Variants in MBD5 observed in about 807,000 individuals in gnomAD.
MBD5 encodes methyl-CpG binding domain protein 5.
In MBD5, 13 loss-of-function variants were observed where a neutral mutation model predicts 117.3. The ratio of observed to expected loss-of-function variants is 0.11; its 90% confidence interval spans 0.07 to 0.18. MBD5 has a LOEUF of 0.18. MBD5 is among the 10% of genes least tolerant of loss of function. MBD5 has a pLI of 1.00. For missense variants in MBD5, 1,879 were observed against 2,093.8 expected, an observed-to-expected ratio of 0.90 and a Z score of 2.00; for synonymous variants, 727 against 766.4, an observed-to-expected ratio of 0.95 and a Z score of 0.85.
intron 8 of MBD5, among the ~76,000 whole-genome samples, chr2:148,479,909 T>C (rs1418380662): frequency 6.6e-6 from 1 of 152,010 alleles, no homozygotes; most frequent in Non-Finnish European, 1.5e-5. Flanking sequence ...ACTAGCAATA[T>C]AAGAAATGAG....
In MBD5 at chr2:148,021,112, A is replaced by T. The variant is rs1407558782; in HGVS notation, c.-1497A>T. 2.1e-5 allele frequency: 3 copies of T among 140,908 alleles called. No individual in the cohort carries two copies. The highest frequency in any genetic ancestry group is 4.6e-5 in the Non-Finnish European group (3 of 64,784). 8.7% of individuals were successfully genotyped at this position (140,908 alleles called of 1,614,324 possible). A position where few individuals can be genotyped will look rare whatever the true frequency, so the allele number is the denominator to read the frequency against. ...CCCCAAGCAGAGAGACCCCAGCAGC[A>T]GCAGCAGCTGATGATGAAGAGAGAG... is the stretch of plus-strand genomic sequence containing the variant. On this transcript the variant is annotated 5_prime_UTR_variant, in exon 1 of 14. Transcript: ENST00000642680.
At chr2:148,285,579 C>G (rs572639510) in intron 3 of MBD5, among the ~76,000 whole-genome samples, 36 of 152,266 alleles carry the variant, frequency 2.4e-4, no homozygotes, top group African/African-American at 8.4e-4. Context: ...AGCCAACAGG[C>G]TTGTATTGCT....
chr2:148,181,052 G>T (rs1478047705), intron 2 of MBD5, among the ~76,000 whole-genome samples: 1 of 152,038 alleles, frequency 6.6e-6, no homozygotes, highest in Non-Finnish European at 1.5e-5. Flanking sequence ...AGCATCTTAT[G>T]GTACAATTTG....
intron 1 of MBD5, among the ~76,000 whole-genome samples, chr2:148,067,947 T>G (rs1337629712): frequency 2.6e-5 from 4 of 152,244 alleles, no homozygotes; most frequent in Non-Finnish European, 5.9e-5. Flanking sequence ...ACATTGCTTA[T>G]GGTAGAAATA....
In MBD5 at chr2:148,175,378, A is replaced by C. The variant is rs183996126; in HGVS notation, c.-924-3322A>C. Reference sequence around the variant, plus strand: ...TTAATGGATCTTGATGTGATTAGGCACATAGAATATTACATTTAGAAGCAA... The same window carrying C: ...TTAATGGATCTTGATGTGATTAGGCCCATAGAATATTACATTTAGAAGCAA... On this transcript the variant is annotated intron_variant, in intron 1 of 13. Transcript: ENST00000642680. 5.2e-3 allele frequency among the ~76,000 whole-genome samples: 797 copies of C among 152,292 alleles called. 14 individuals are homozygous for C. The highest frequency in any genetic ancestry group is 0.018 in the African/African-American group (764 of 41,564).
At chr2:148,099,865 G>T (rs1338492995) in intron 1 of MBD5, among the ~76,000 whole-genome samples, 2 of 152,126 alleles carry the variant, frequency 1.3e-5, no homozygotes, top group Non-Finnish European at 2.9e-5. Flanking sequence ...GGTATAGGTG[G>T]AAATGATCAT....
intron 5 of MBD5, among the ~76,000 whole-genome samples, chr2:148,461,993 G>A (rs1309415366): frequency 2.6e-5 from 4 of 152,074 alleles, no homozygotes; most frequent in African/African-American, 9.7e-5. Context: ...TGACTCTTCA[G>A]TGTATCTTCG....
At chr2:148,174,210 G>A (rs1029076770) in intron 1 of MBD5, among the ~76,000 whole-genome samples, 1 of 152,172 alleles carries the variant, frequency 6.6e-6, no homozygotes, top group Non-Finnish European at 1.5e-5. Context: ...GCAAAGGATA[G>A]TCTCTTTAAT....
At chr2:148,373,921 T>C (rs1703922464) in intron 4 of MBD5, among the ~76,000 whole-genome samples, 1 of 152,086 alleles carries the variant, frequency 6.6e-6, no homozygotes, top group African/African-American at 2.4e-5. Context: ...AGGCTGGGCA[T>C]CCATAACCCA....
chr2:148,159,958 T>C (rs1178050366), intron 1 of MBD5, among the ~76,000 whole-genome samples: 1 of 152,168 alleles, frequency 6.6e-6, no homozygotes, highest in African/African-American at 2.4e-5. Flanking sequence ...CAATCAAAAT[T>C]GGCACTCAAG....
At chr2:148,279,925 A>G (rs1302182070) in intron 3 of MBD5, among the ~76,000 whole-genome samples, 1 of 152,022 alleles carries the variant, frequency 6.6e-6, no homozygotes, top group Non-Finnish European at 1.5e-5. Context: ...CTGGGACTAG[A>G]GGCACATACC....
At chr2:148,328,469 A>G (rs1246405165) in intron 3 of MBD5, among the ~76,000 whole-genome samples, 1 of 152,116 alleles carries the variant, frequency 6.6e-6, no homozygotes, top group Non-Finnish European at 1.5e-5. Flanking sequence ...TTGATCTCAG[A>G]CTGCTGTGCT....
chr2:148,117,806 T>A (rs1374224353), intron 1 of MBD5, among the ~76,000 whole-genome samples: 1 of 152,224 alleles, frequency 6.6e-6, no homozygotes, highest in African/African-American at 2.4e-5. Flanking sequence ...TAGTACATAT[T>A]ATTATCCCCA....
chr2:148,328,095 C>T (rs10175126), intron 3 of MBD5, among the ~76,000 whole-genome samples: 1,940 of 148,222 alleles, frequency 0.013, 39 homozygotes, highest in African/African-American at 0.044. Flanking sequence ...TTGGAGTACC[C>T]GGCCGTGTGA....
chr2:148,109,910 T>G (rs759968390), intron 1 of MBD5, among the ~76,000 whole-genome samples: 3 of 152,192 alleles, frequency 2.0e-5, no homozygotes, highest in African/African-American at 2.4e-5. Context: ...ATCTGCCACT[T>G]TCTTGGCATG....
Position 148,166,842 on chromosome 2 carries a change from C to T in MBD5, c.-924-11858C>T, listed in dbSNP as rs191071583. The stretch of plus-strand genomic sequence containing the variant: ...TCTTCTGTATTTCTTTCTTTTATAA[C>T]TTCTTAATATGTTCCTAATATGTAA... On this transcript the variant is annotated intron_variant, in intron 1 of 13. Coordinates refer to ENST00000642680, the MANE Select transcript of MBD5 (RefSeq NM_001378120.1). Among the ~76,000 whole-genome samples the T allele has an allele frequency of 1.1e-3, 166 of 152,166 alleles. 1 individual carries two copies. The Middle Eastern group carries it at 0.02, about 19-fold the overall frequency.
intron 1 of MBD5, among the ~76,000 whole-genome samples, chr2:148,038,838 T>G (rs1258381718): frequency 6.6e-6 from 1 of 152,068 alleles, no homozygotes; most frequent in Non-Finnish European, 1.5e-5. Context: ...ACGAAGGGTT[T>G]GATTTTTGTT....
intron 3 of MBD5, among the ~76,000 whole-genome samples, chr2:148,336,072 G>A (rs1702779518): frequency 1.3e-5 from 2 of 152,170 alleles, no homozygotes; most frequent in South Asian, 4.1e-4. Flanking sequence ...AAAAGTCAAA[G>A]AAAGGTCACT....
chr2:148,284,403 T>C (rs139425442), intron 3 of MBD5, among the ~76,000 whole-genome samples: 68 of 152,350 alleles, frequency 4.5e-4, no homozygotes, highest in African/African-American at 1.5e-3. Flanking sequence ...AAGAATTTTC[T>C]ATTGTTTCAA....
Sources: allele counts gnomAD v4.1 joint callset (sites outside exome capture counted in the v4.1 genomes callset), GRCh38; gene constraint gnomAD v4.1.1; transcripts MANE v1.5; gene names NCBI Gene and HGNC (gene_info 2026-07-23, HGNC 2026-07-21).